The following WDR45 variants were observed in gnomAD, a reference collection of about 807,000 sequenced individuals.
WDR45 encodes WD repeat domain phosphoinositide-interacting protein 4.
Under a neutral mutation model 27.3 loss-of-function variants are expected in WDR45, and 2 were observed. The ratio of observed to expected loss-of-function variants is 0.07; its 90% CI spans 0.03 to 0.23. The LOEUF (loss-of-function observed/expected upper bound fraction) is 0.23, where lower values mean the gene tolerates loss of function less well. Ranked by LOEUF, WDR45 falls within the 10% of genes least tolerant of loss-of-function variation. WDR45 has a pLI of 1.00. For synonymous variants in WDR45, 99 were observed against 119.2 expected (o/e 0.83, Z 1.11); for missense variants, 175 against 311.9 (o/e 0.56, Z 3.31).
rs1296011421 is a variant in WDR45 at position 49,075,753 on chromosome X, C to T, written c.517G>A (p.Asp173Asn). 25 of 1,205,474 alleles carry T rather than the reference C, an allele frequency of 2.1e-5. No individual in the cohort carries two copies. Among genetic ancestry groups the T allele is most frequent in the Non-Finnish European group, 2.7e-5 (24 of 892,250 alleles). ...GTGCCAGGCTTTGTGCTCGCCAGGT[C>T]CTGGGGTAGGAGGGAGGAGTCTGAG... ...GHKCGSLQLV[D>N]LASTKPGTSS... The change falls in exon 8 of 11, where the codon GAC becomes AAC. Residue 173 changes from aspartate (D) to asparagine (N), a missense_variant and splice_region_variant. Transcript: ENST00000376372.
chrX:49,075,967 T>A (rs2065034621), intron 6 of WDR45, 22 bp from the exon 7 acceptor site: 9 of 1,163,214 alleles, frequency 7.7e-6, no homozygotes, highest in Middle Eastern at 2.4e-4. Context: ...AGATGGGGGG[T>A]GGGGTGGGCG....
At chrX:49,100,060 C>G (rs1487948062) in intron 2 of WDR45, 1 of 110,417 alleles carries the variant, frequency 9.1e-6, no homozygotes, top group Non-Finnish European at 1.9e-5. Context: ...CAACAGTCCC[C>G]TGTCCCTTCA....
At chrX:49,099,632 T>C (rs2065137961) in intron 2 of WDR45, among the ~76,000 whole-genome samples, 1 of 108,429 alleles carries the variant, frequency 9.2e-6, no homozygotes, top group East Asian at 2.9e-4. Context: ...ATACAAAAAA[T>C]TAACCGGGCG....
At chrX:49,092,784 C>T (rs2065111898) in intron 2 of WDR45, among the ~76,000 whole-genome samples, 2 of 111,739 alleles carry the variant, frequency 1.8e-5, no homozygotes, top group South Asian at 3.7e-4. Flanking sequence ...ATGTTGAGTA[C>T]CCATATATTT....
At chrX:49,081,012 C>T (rs1195225481), upstream of WDR45, among the ~76,000 whole-genome samples, 1 of 103,616 alleles carries the variant, frequency 9.7e-6, no homozygotes, top group Non-Finnish European at 2.0e-5. Context: ...ATTCTTCTGC[C>T]TCAGCCTCCC....
At chrX:49,081,542 A>AAAAGC (rs1387118502), upstream of WDR45, among the ~76,000 whole-genome samples, 1 of 106,729 alleles carries the variant, frequency 9.4e-6, no homozygotes. Context: ...AAAAAAAAAA[A>AAAAGC]AAAGCCGGGC....
intron 2 of WDR45, among the ~76,000 whole-genome samples, chrX:49,099,005 T>C (rs782331034): frequency 4.5e-5 from 5 of 111,615 alleles, no homozygotes; most frequent in Non-Finnish European, 7.5e-5. Flanking sequence ...GTATACATGT[T>C]ACAAAGCCAG....
upstream of WDR45, among the ~76,000 whole-genome samples, chrX:49,080,592 G>A (rs1198257080): frequency 1.8e-5 from 2 of 109,829 alleles, no homozygotes; most frequent in Admixed American, 1.9e-4. Flanking sequence ...GCAGGCGTGC[G>A]CCACCACGCC....
chrX:49,082,442 C>T (rs1299379010), upstream of WDR45, among the ~76,000 whole-genome samples: 1 of 110,860 alleles, frequency 9.0e-6, no homozygotes, highest in Non-Finnish European at 1.9e-5. Flanking sequence ...TGAATTTTGG[C>T]CCTATATACT....
intron 2 of WDR45, among the ~76,000 whole-genome samples, chrX:49,097,610 G>A (rs2065130234): frequency 9.2e-6 from 1 of 108,253 alleles, no homozygotes. Context: ...TTACAGGCAT[G>A]AGCCACCGCG....
intron 2 of WDR45, among the ~76,000 whole-genome samples, chrX:49,089,407 T>C (rs1557086327): frequency 9.0e-6 from 1 of 110,647 alleles, no homozygotes; most frequent in Non-Finnish European, 1.9e-5. Flanking sequence ...AGACAAAGTT[T>C]TTTTTGAGAC....
At chrX:49,077,083 C>G in intron 4 of WDR45, 1 of 253,343 alleles carries the variant, frequency 3.9e-6, no homozygotes, top group Non-Finnish European at 7.0e-6. Context: ...CTCCAGGGTC[C>G]TAGTCCATGC....
In WDR45 at chrX:49,077,868, G is replaced by A. The variant is rs139817760; in HGVS notation, c.99C>T (p.Asn33=). ...CAMETGVRIY[N]VEPLMEKGHL... is the part of the protein sequence containing the mutation. The stretch of plus-strand genomic sequence containing the variant: ...GCCCCTTCTCCATCAAGGGCTCCAC[G>A]TTGTAGATGCGCACACCTGTCTCCA... The change falls in exon 3 of 11, where the codon AAC becomes AAT. Residue 33 remains asparagine, a synonymous_variant. Coordinates refer to ENST00000376372, the MANE Select transcript of WDR45 (RefSeq NM_001029896.2). 167 of 1,210,574 alleles carry A rather than the reference G, an allele frequency of 1.4e-4. No homozygotes were observed. The highest frequency in any genetic ancestry group is 1.8e-4 in the Non-Finnish European group (158 of 895,344).
chrX:49,078,379 G>T (rs1036207808), intron 1 of WDR45, among the ~76,000 whole-genome samples: 1 of 112,206 alleles, frequency 8.9e-6, no homozygotes, highest in Non-Finnish European at 1.9e-5. Flanking sequence ...AAAGTTAGCC[G>T]GGTGTGGTGG....
chrX:49,095,547 T>G (rs1207409996), intron 2 of WDR45, among the ~76,000 whole-genome samples: 1 of 109,170 alleles, frequency 9.2e-6, no homozygotes, highest in African/African-American at 3.3e-5. Flanking sequence ...TGCAACTTCT[T>G]CCTCCCAGGT....
intron 4 of WDR45, chrX:49,077,435 A>G (rs2065044192): frequency 2.1e-6 from 1 of 468,299 alleles, no homozygotes; most frequent in Admixed American, 3.4e-5. Context: ...AGGGCATGGC[A>G]CACAGGAGGC....
intron 2 of WDR45, among the ~76,000 whole-genome samples, chrX:49,087,416 G>C (rs200957475): frequency 2.7e-5 from 3 of 111,913 alleles, no homozygotes; most frequent in African/African-American, 9.7e-5. Flanking sequence ...CCAGCTACTC[G>C]GGAGGCTGAG....
chrX:49,086,202 G>C (rs2065085541), intron 2 of WDR45, among the ~76,000 whole-genome samples: 1 of 111,906 alleles, frequency 8.9e-6, no homozygotes, highest in Admixed American at 9.5e-5. Flanking sequence ...GCTCAGGTTG[G>C]AGTGCAATGG....
intron 2 of WDR45, among the ~76,000 whole-genome samples, chrX:49,093,992 C>T (rs1557086976): frequency 9.1e-6 from 1 of 109,989 alleles, no homozygotes; most frequent in Non-Finnish European, 1.9e-5. Context: ...CAGGCACACA[C>T]CACCATGCCT....
Sources: allele counts gnomAD v4.1 joint callset (sites outside exome capture counted in the v4.1 genomes callset), GRCh38; gene constraint gnomAD v4.1.1; transcripts MANE v1.5; gene names NCBI Gene and HGNC (gene_info 2026-07-23, HGNC 2026-07-21).